The following MTUS2 variants were observed in gnomAD, a reference collection of about 807,000 sequenced individuals.
MTUS2 encodes microtubule associated scaffold protein 2, also known as microtubule-associated tumor suppressor candidate 2.
MTUS2 carries 40 observed loss-of-function variants against 114.1 expected under a neutral mutation model. The ratio of observed to expected loss-of-function variants is 0.35; its 90% confidence interval spans 0.27 to 0.46. The LOEUF is 0.46. MTUS2 is among the 20% of genes least tolerant of loss of function. The probability of loss-of-function intolerance (pLI) is 1.00; values close to 1 mark genes in which losing one functional copy is unlikely to be tolerated. For missense variants in MTUS2, 1,679 were observed against 1,705.4 expected (o/e 0.98, Z 0.27); for synonymous variants, 688 against 672.0 (o/e 1.02, Z -0.37).
intron 2 of MTUS2, among the ~76,000 whole-genome samples, chr13:28,849,266 A>G (rs1876091425): frequency 6.6e-6 from 1 of 152,186 alleles, no homozygotes; most frequent in African/African-American, 2.4e-5. Flanking sequence ...GGAGTTTATG[A>G]GAGTTATTTC....
intron 4 of MTUS2, among the ~76,000 whole-genome samples, chr13:29,079,243 C>G (rs370049489): frequency 6.6e-5 from 10 of 151,972 alleles, no homozygotes; most frequent in African/African-American, 2.2e-4. Context: ...GATACCTATT[C>G]AATTTATTTG....
chr13:29,307,834 C>T, intron 6 of MTUS2: 1 of 731,280 alleles, frequency 1.4e-6, no homozygotes, highest in Non-Finnish European at 2.4e-6. Context: ...AAGAGAGAGG[C>T]CTTCACTGCT....
intron 7 of MTUS2, among the ~76,000 whole-genome samples, chr13:29,353,020 G>A (rs1869426155): frequency 6.6e-6 from 1 of 152,070 alleles, no homozygotes; most frequent in Admixed American, 6.5e-5. Context: ...TCCCTGTCTA[G>A]TAATTCTGTT....
intron 2 of MTUS2, among the ~76,000 whole-genome samples, chr13:29,012,156 T>G (rs1364100349): frequency 1.3e-5 from 2 of 152,056 alleles, no homozygotes; most frequent in Admixed American, 1.3e-4. Context: ...GTCTAAGGCG[T>G]ATGGAAGAGA....
At chr13:29,231,845 C>T (rs538944832) in intron 5 of MTUS2, among the ~76,000 whole-genome samples, 2 of 152,230 alleles carry the variant, frequency 1.3e-5, no homozygotes, top group Admixed American at 1.3e-4. Context: ...TACAGATATG[C>T]TTATTTGCAT....
chr13:29,092,373 C>G (rs78948527), intron 4 of MTUS2, among the ~76,000 whole-genome samples: 2,070 of 152,264 alleles, frequency 0.014, 56 homozygotes, highest in African/African-American at 0.047. Flanking sequence ...ATGTACTCAC[C>G]CATTCTAAGC....
intron 2 of MTUS2, among the ~76,000 whole-genome samples, chr13:28,847,524 C>T (rs536937878): frequency 8.5e-4 from 130 of 152,268 alleles, no homozygotes; most frequent in Admixed American, 1.4e-3. Context: ...TTGTACCTCT[C>T]CCCCTTGCCT....
chr13:29,075,585 A>G (rs1196446642), intron 4 of MTUS2, among the ~76,000 whole-genome samples: 2 of 152,230 alleles, frequency 1.3e-5, no homozygotes, highest in East Asian at 1.9e-4. Context: ...ATTAGATAAA[A>G]GCCACATCAA....
chr13:29,390,357 G>T (rs1873338123), intron 8 of MTUS2, among the ~76,000 whole-genome samples: 2 of 151,926 alleles, frequency 1.3e-5, no homozygotes, highest in African/African-American at 4.8e-5. Context: ...TTTCCATTAA[G>T]TTTGAAAATA....
intron 5 of MTUS2, among the ~76,000 whole-genome samples, chr13:29,221,720 CTTTT>C (rs1286234885): frequency 2.6e-5 from 4 of 151,526 alleles, no homozygotes; most frequent in Non-Finnish European, 4.4e-5. Flanking sequence ...GATTTGTGTT[CTTTT>C]TGTTTCTTTA....
intron 2 of MTUS2, among the ~76,000 whole-genome samples, chr13:29,001,136 C>G (rs1351105969): frequency 6.6e-6 from 1 of 152,174 alleles, no homozygotes; most frequent in Non-Finnish European, 1.5e-5. Flanking sequence ...GCTCTTCTTG[C>G]CCTTTTTGCT....
chr13:29,311,540 G>A, intron 6 of MTUS2, among the ~76,000 whole-genome samples: 1 of 152,136 alleles, frequency 6.6e-6, no homozygotes, highest in East Asian at 1.9e-4. Flanking sequence ...TGAAGAAAAA[G>A]TGTATTTTTT....
chr13:28,956,542 T>G (rs1238645310), intron 2 of MTUS2, among the ~76,000 whole-genome samples: 1 of 152,120 alleles, frequency 6.6e-6, no homozygotes, highest in Non-Finnish European at 1.5e-5. Flanking sequence ...ATTGGAGATA[T>G]GAGAGGTCAG....
chr13:29,190,325 C>T (rs1246747848), intron 5 of MTUS2, among the ~76,000 whole-genome samples: 4 of 152,258 alleles, frequency 2.6e-5, no homozygotes, highest in African/African-American at 9.6e-5. Context: ...CTCAGTCCTT[C>T]ATTAAGCACT....
At chr13:29,456,089 C>T (rs558549634) in intron 9 of MTUS2, among the ~76,000 whole-genome samples, 37 of 152,236 alleles carry the variant, frequency 2.4e-4, no homozygotes, top group Non-Finnish European at 4.3e-4. Flanking sequence ...ATTATAAACA[C>T]GTTCTAGCAC....
intron 3 of MTUS2, among the ~76,000 whole-genome samples, chr13:29,029,005 G>A (rs1243546819): frequency 2.0e-5 from 3 of 152,212 alleles, no homozygotes; most frequent in Admixed American, 2.0e-4. Context: ...GTCATATCTA[G>A]CACAAAGACA....
chr13:29,044,265 T>C (rs865802299), intron 4 of MTUS2, among the ~76,000 whole-genome samples: 1 of 146,220 alleles, frequency 6.8e-6, no homozygotes, highest in African/African-American at 2.5e-5. Context: ...GCTGTTTTAG[T>C]AATTTCTAGC....
At chr13:28,945,194 T>TATAC (rs1555276495) in intron 2 of MTUS2, among the ~76,000 whole-genome samples, 1 of 151,000 alleles carries the variant, frequency 6.6e-6, no homozygotes, top group Admixed American at 6.6e-5. Context: ...TATATATATA[T>TATAC]ACACCACATT....
intron 2 of MTUS2, among the ~76,000 whole-genome samples, chr13:28,961,718 G>A (rs556094302): frequency 6.6e-6 from 1 of 152,194 alleles, no homozygotes; most frequent in African/African-American, 2.4e-5. Context: ...ACAAAACTGG[G>A]ATCATCTAAG....
Sources: gnomAD v4.1 joint callset for allele counts (sites outside exome capture counted in the v4.1 genomes callset) on GRCh38, gnomAD v4.1.1 for gene constraint, MANE v1.5 for transcripts, NCBI Gene and HGNC (gene_info 2026-07-23, HGNC 2026-07-21) for gene names.